Variants in NAV2 observed in about 807,000 individuals in gnomAD.
NAV2 encodes the protein neuron navigator 2.
A neutral mutation model predicts 223.2 loss-of-function variants in NAV2; 54 were observed. The observed-to-expected ratio is 0.24, with a 90% confidence interval of 0.19 to 0.30. The LOEUF (loss-of-function observed/expected upper bound fraction) is 0.30. Ranked by LOEUF, NAV2 falls within the 10% of genes least tolerant of loss-of-function variation. The pLI, the probability that NAV2 is intolerant of heterozygous loss-of-function variation, is 1.00. For missense variants in NAV2, 2,806 were observed against 3,147.5 expected, an observed-to-expected ratio of 0.89 and a Z score of 2.60; for synonymous variants, 1,279 against 1,239.3, an observed-to-expected ratio of 1.03 and a Z score of -0.67.
At chr11:19,943,850 A>G (rs2046608294) in intron 8 of NAV2, among the ~76,000 whole-genome samples, 1 of 152,118 alleles carries the variant, frequency 6.6e-6, no homozygotes, top group African/African-American at 2.4e-5. Context: ...ATATAATTCT[A>G]TTAATTATTA....
chr11:19,349,389 C>T (rs1283250888), upstream of NAV2, among the ~76,000 whole-genome samples: 6 of 152,210 alleles, frequency 3.9e-5, no homozygotes, highest in African/African-American at 1.4e-4. Context: ...CGCCTCTTAA[C>T]CTGCTTTGGC....
chr11:20,044,090 C>A lies in NAV2; in HGVS notation c.3017C>A (p.Ser1006Tyr). ...AGCGGCATAAAAATGGAGCCAGGTT[C>A]CAAGTGGAGGCGGAATCCTTCTGAT... Reference protein sequence around the residue: ...SDSGIKMEPGSKWRRNPSDVS... With the variant: ...SDSGIKMEPGYKWRRNPSDVS... The change falls in exon 13 of 38, where the codon TCC (serine) becomes TAC (tyrosine). Residue 1006 changes from serine to tyrosine, a missense_variant. By Grantham distance (144) the Ser-to-Tyr change is moderately radical (BLOSUM62 -2). Around this residue, in one of 4 missense-constraint regions of NAV2, gnomAD observed 742 missense variants for 777.9 expected, o/e 0.95. Coordinates refer to ENST00000349880, the MANE Select transcript of NAV2 (RefSeq NM_145117.5). The A allele has an allele frequency of 1.9e-6, 3 of 1,614,192 alleles. No individual in the cohort carries two copies. The highest frequency in any genetic ancestry group is 2.5e-6 in the Non-Finnish European group (3 of 1,180,022).
intron 1 of NAV2, among the ~76,000 whole-genome samples, chr11:19,528,653 C>T (rs116608994): frequency 0.032 from 4,816 of 152,100 alleles, 212 homozygotes; most frequent in African/African-American, 0.1. Flanking sequence ...ATGGGAAGGC[C>T]GGGCACGGTG....
intron 1 of NAV2, among the ~76,000 whole-genome samples, chr11:19,787,637 A>G (rs571026371): frequency 5.1e-4 from 77 of 152,260 alleles, no homozygotes; most frequent in African/African-American, 1.8e-3. Context: ...GATATCAGAT[A>G]TGTTTAAGAG....
intron 1 of NAV2, among the ~76,000 whole-genome samples, chr11:19,439,358 G>T (rs991063538): frequency 1.3e-5 from 2 of 152,138 alleles, no homozygotes; most frequent in Non-Finnish European, 2.9e-5. Context: ...ATAGGTACTA[G>T]GCTTAATACC....
intron 1 of NAV2, among the ~76,000 whole-genome samples, chr11:19,442,150 C>T (rs1052687214): frequency 6.6e-6 from 1 of 152,160 alleles, no homozygotes; most frequent in East Asian, 1.9e-4. Flanking sequence ...AGTGGAGCTC[C>T]GAATGTGAGG....
intron 5 of NAV2, among the ~76,000 whole-genome samples, chr11:19,887,189 C>G (rs576761511): frequency 6.6e-6 from 1 of 152,256 alleles, no homozygotes; most frequent in South Asian, 2.1e-4. Context: ...GAACCCAACA[C>G]TTTGATGGGC....
intron 6 of NAV2, among the ~76,000 whole-genome samples, chr11:19,914,162 A>G (rs2043569463): frequency 6.6e-6 from 1 of 152,210 alleles, no homozygotes; most frequent in South Asian, 2.1e-4. Context: ...TTTTCCCTCC[A>G]GAATCAATTG....
upstream of NAV2, among the ~76,000 whole-genome samples, chr11:19,346,213 G>GA (rs1852998208): frequency 6.6e-6 from 1 of 152,128 alleles, no homozygotes; most frequent in Non-Finnish European, 1.5e-5. Flanking sequence ...TGTGTATATG[G>GA]ATGTGCGTCT....
intron 1 of NAV2, among the ~76,000 whole-genome samples, chr11:19,482,791 G>A (rs1011574344): frequency 1.3e-5 from 2 of 152,164 alleles, no homozygotes; most frequent in South Asian, 4.1e-4. Context: ...GGGTAAATGG[G>A]TATTCTCTTT....
At chr11:19,670,471 G>A (rs1429228901) in intron 1 of NAV2, among the ~76,000 whole-genome samples, 2 of 152,236 alleles carry the variant, frequency 1.3e-5, no homozygotes, top group East Asian at 1.9e-4. Flanking sequence ...GCAGTGCTCA[G>A]GGAACCCCGC....
At chr11:20,024,373 A>C (rs1001586976) in intron 11 of NAV2, among the ~76,000 whole-genome samples, 4 of 152,186 alleles carry the variant, frequency 2.6e-5, no homozygotes, top group African/African-American at 9.6e-5. Context: ...CTTGATCCCA[A>C]GTGAAGGTCA....
intron 1 of NAV2, among the ~76,000 whole-genome samples, chr11:19,471,071 A>G (rs1564963465): frequency 6.6e-6 from 1 of 152,148 alleles, no homozygotes; most frequent in Non-Finnish European, 1.5e-5. Flanking sequence ...TGTCCCCCAG[A>G]CTTACAGCAG....
intron 1 of NAV2, among the ~76,000 whole-genome samples, chr11:19,659,358 G>A (rs908389345): frequency 1.3e-5 from 2 of 152,234 alleles, no homozygotes; most frequent in African/African-American, 2.4e-5. Flanking sequence ...GCTACGGCCA[G>A]ATGGTGTAGG....
chr11:19,776,688 G>C (rs1277466406), intron 1 of NAV2, among the ~76,000 whole-genome samples: 3 of 141,776 alleles, frequency 2.1e-5, no homozygotes, highest in Non-Finnish European at 3.1e-5. Context: ...TTAGAGTTGT[G>C]GGGGTCAGAA....
At chr11:19,854,635 G>C (rs2061326587) in intron 3 of NAV2, among the ~76,000 whole-genome samples, 2 of 152,042 alleles carry the variant, frequency 1.3e-5, no homozygotes, top group Admixed American at 6.6e-5. Flanking sequence ...GCACACATTT[G>C]ACGTTTTTGA....
intron 1 of NAV2, among the ~76,000 whole-genome samples, chr11:19,419,466 C>T (rs541108664): frequency 5.9e-5 from 9 of 152,268 alleles, no homozygotes; most frequent in African/African-American, 1.9e-4. Flanking sequence ...GAGGTTGCTG[C>T]AGCAATCGAC....
intron 30 of NAV2, 121 bp from the exon 31 acceptor site, chr11:20,097,456 A>G (rs187540949): frequency 1.2e-6 from 1 of 845,278 alleles, no homozygotes; most frequent in African/African-American, 1.7e-5. Context: ...CCACAGCTCA[A>G]TTTCAACTCA....
intron 6 of NAV2, among the ~76,000 whole-genome samples, chr11:19,919,010 A>G (rs1591239883): frequency 6.6e-6 from 1 of 152,144 alleles, no homozygotes; most frequent in African/African-American, 2.4e-5. Context: ...AGTACCTGAA[A>G]CAGAAGAAAT....
Sources: allele counts gnomAD v4.1 joint callset (sites outside exome capture counted in the v4.1 genomes callset), GRCh38; gene constraint gnomAD v4.1.1; regional missense constraint gnomAD v4.1.1; transcripts MANE v1.5; gene names NCBI Gene and HGNC (gene_info 2026-07-23, HGNC 2026-07-21).